The following PPP4C variants were observed in gnomAD, a reference collection of about 807,000 sequenced individuals.
PPP4C encodes protein phosphatase 4 catalytic subunit, also known as serine/threonine-protein phosphatase 4 catalytic subunit.
PPP4C carries 10 observed loss-of-function variants against 40.5 expected under a neutral mutation model. The observed-to-expected ratio is 0.25, with a 90% CI of 0.15 to 0.42. PPP4C has a LOEUF of 0.42. Among genes scored for constraint, PPP4C ranks in the 10% least tolerant of loss-of-function variants. The probability of loss-of-function intolerance (pLI) is 1.00; values close to 1 mark genes in which losing one functional copy is unlikely to be tolerated. For synonymous variants in PPP4C, 187 were observed against 163.6 expected, an observed-to-expected ratio of 1.14 and a Z score of -1.09; for missense variants, 191 against 416.4, an observed-to-expected ratio of 0.46 and a Z score of 4.71.
Position 30,083,214 on chromosome 16 carries a change from TC to T in PPP4C, c.304-179del. The T allele has an allele frequency of 1.4e-6, 1 of 705,904 alleles. No homozygotes were observed. Among genetic ancestry groups the T allele is most frequent in the Non-Finnish European group, 2.4e-6 (1 of 414,362 alleles). The allele number at this position is 705,904 out of a possible 1,614,324, so 43.7% of individuals were successfully genotyped here. A position where few individuals can be genotyped will look rare whatever the true frequency, so the allele number is the denominator to read the frequency against. ...TTGAGGGAATGGGTCAGCTTTACAT[TC>T]TCTGGAGGGGTCGTGTGGGCCTGGG... is the stretch of plus-strand genomic sequence containing the variant. On this transcript the variant is annotated intron_variant, in intron 5 of 8. Coordinates refer to ENST00000279387, the MANE Select transcript of PPP4C (RefSeq NM_002720.3). This position sits in a 1 kb window ranked among gnomAD's most constrained non-coding sequence, Gnocchi z 6.3.
Position 30,082,567 on chromosome 16 carries a change from G to A in PPP4C, c.201+33G>A, listed in dbSNP as rs536236711. On this transcript the variant is annotated intron_variant, in intron 4 of 8. Transcript: ENST00000279387. Reference sequence around the variant, plus strand: ...TGTGGCCAACACTGTGAAATGTAACGGGGGGATGACTGGAAGACCCCTGTA... The same window carrying A: ...TGTGGCCAACACTGTGAAATGTAACAGGGGGATGACTGGAAGACCCCTGTA... 182 of 1,602,348 alleles carry A rather than the reference G, an allele frequency of 1.1e-4. 2 individuals are homozygous for A. The highest frequency in any genetic ancestry group is 5.0e-4 in the Middle Eastern group (3 of 6,044).
chr16:30,084,164 G>GCA, intron 7 of PPP4C, among the ~76,000 whole-genome samples: 1 of 152,126 alleles, frequency 6.6e-6, no homozygotes, highest in Non-Finnish European at 1.5e-5. Flanking sequence ...GTTGTCACAG[G>GCA]CACACACGCA....
chr16:30,081,143 C>T, intron 2 of PPP4C, 116 bp from the exon 3 acceptor site: 6 of 1,459,300 alleles, frequency 4.1e-6, no homozygotes, highest in South Asian at 1.1e-5. Context: ...GTACGCTTCA[C>T]TCCTGCCCCC....
chr16:30,083,123 C>T lies in PPP4C; in HGVS notation c.304-271C>T, dbSNP rs2072542529. On this transcript the variant is annotated intron_variant, in intron 5 of 8. Coordinates refer to ENST00000279387, the MANE Select transcript of PPP4C (RefSeq NM_002720.3). The surrounding 1 kb of genome is among the most constrained non-coding windows in gnomAD (Gnocchi z 6.3). ...CAGTGTGGGGCCAGATGACAAAGGG[C>T]CTGGGTGCCTTGCTAGGGACCCGGT... The T allele has an allele frequency of 1.2e-5, 7 of 590,926 alleles. No homozygotes were observed. The highest frequency in any genetic ancestry group is 9.3e-5 in the Admixed American group (3 of 32,376). The allele number at this position is 590,926 out of a possible 1,614,324, so 36.6% of individuals were successfully genotyped here.
chr16:30,081,191 C>G (rs765767311), intron 2 of PPP4C, 68 bp from the exon 3 acceptor site: 23 of 1,608,662 alleles, frequency 1.4e-5, no homozygotes, highest in Admixed American at 1.0e-4. Flanking sequence ...TCCCCTCCCC[C>G]CAAAAAAGGT....
rs1314998743 is a variant in PPP4C at position 30,084,954 on chromosome 16, C to T, written c.816C>T (p.Ile272=). ...YCYRCGNVAA[I]LELDEHLQKD... Reference sequence around the variant, plus strand: ...CCAGCTGTGGGAATGTGGCAGCCATCTTGGAGCTGGACGAGCATCTCCAGA... The same window carrying T: ...CCAGCTGTGGGAATGTGGCAGCCATTTTGGAGCTGGACGAGCATCTCCAGA... The change falls in exon 9 of 9, where the codon ATC becomes ATT. Residue 272 remains isoleucine, a synonymous_variant. Coordinates refer to ENST00000279387, the MANE Select transcript of PPP4C (RefSeq NM_002720.3). The T allele has an allele frequency of 4.3e-6, 7 of 1,614,038 alleles. No homozygotes were observed. The highest frequency in any genetic ancestry group is 1.1e-5 in the South Asian group (1 of 91,092).
chr16:30,079,479 C>T (rs571621739), intron 2 of PPP4C, among the ~76,000 whole-genome samples: 58 of 152,280 alleles, frequency 3.8e-4, no homozygotes, highest in Non-Finnish European at 6.6e-4. Context: ...TGAGCCACCG[C>T]GCCCGGCCTA....
Position 30,083,477 on chromosome 16 carries a change from G to A in PPP4C, c.387G>A (p.Glu129=), listed in dbSNP as rs768882565. ...CGCAGGTCTATGGCTTCTACGATGA[G>A]TGCCTGCGCAAGTACGGCTCGGTGA... ...QITQVYGFYD[E]CLRKYGSVTV... is the part of the protein sequence containing the mutation. The change falls in exon 6 of 9, where the codon GAG becomes GAA. Residue 129 remains glutamate (E), a synonymous_variant. Transcript: ENST00000279387. This position sits in a 1 kb window ranked among gnomAD's most constrained non-coding sequence, Gnocchi z 6.3. The A allele has an allele frequency of 1.2e-6, 2 of 1,614,194 alleles. No individual in the cohort carries two copies. The highest frequency in any genetic ancestry group is 4.5e-5 in the East Asian group (2 of 44,874).
At position 30,083,944 on chromosome 16, in the gene PPP4C, T is replaced by C; in HGVS notation, c.604+163T>C. 3 of 1,100,468 alleles carry C rather than the reference T, an allele frequency of 2.7e-6. No individual in the cohort carries two copies. Among genetic ancestry groups the C allele is most frequent in the Non-Finnish European group, 3.9e-6 (3 of 777,414 alleles). 68.2% of individuals were successfully genotyped at this position (1,100,468 alleles called of 1,614,324 possible). A position where few individuals can be genotyped will look rare whatever the true frequency, so the allele number is the denominator to read the frequency against. On this transcript the variant is annotated intron_variant, in intron 7 of 8. Transcript: ENST00000279387. This position sits in a 1 kb window ranked among gnomAD's most constrained non-coding sequence, Gnocchi z 6.3. ...CATGGCAGGTGCTTTGAGCACACAG[T>C]GGCTTGGGGCATGGCCCAGAGGGCT...
At chr16:30,082,230 A>G (rs1171767681) in intron 3 of PPP4C, among the ~76,000 whole-genome samples, 1 of 152,048 alleles carries the variant, frequency 6.6e-6, no homozygotes, top group Non-Finnish European at 1.5e-5. Flanking sequence ...GGGAGTAGAG[A>G]GAGGAAGGGG....
chr16:30,085,254 C>T lies in PPP4C; in HGVS notation c.*192C>T, dbSNP rs2072600550. On this transcript the variant is annotated 3_prime_UTR_variant, in exon 9 of 9. Coordinates refer to ENST00000279387, the MANE Select transcript of PPP4C (RefSeq NM_002720.3). ...GCTCCATGTTCCTCCTCCTCTCTCC[C>T]CACTTGAACCATGAAGTTTCCAATA... is the stretch of plus-strand genomic sequence containing the variant. 2.2e-6 allele frequency: 1 copy of T among 461,450 alleles called. No individual in the cohort carries two copies. Among genetic ancestry groups the T allele is most frequent in the East Asian group, 3.3e-5 (1 of 30,132 alleles). 28.6% of individuals were successfully genotyped at this position (461,450 alleles called of 1,614,324 possible).
intron 2 of PPP4C, among the ~76,000 whole-genome samples, chr16:30,078,121 C>T (rs1444315355): frequency 6.6e-6 from 1 of 152,222 alleles, no homozygotes; most frequent in Non-Finnish European, 1.5e-5. Context: ...CCCTCACGGG[C>T]CCTGGATCAG....
Position 30,083,212 on chromosome 16 carries a change from A to G in PPP4C, c.304-182A>G. On this transcript the variant is annotated intron_variant, in intron 5 of 8. Coordinates refer to ENST00000279387, the MANE Select transcript of PPP4C (RefSeq NM_002720.3). The surrounding 1 kb of genome is among the most constrained non-coding windows in gnomAD (Gnocchi z 6.3). ...AGTTGAGGGAATGGGTCAGCTTTAC[A>G]TTCTCTGGAGGGGTCGTGTGGGCCT... 5 of 702,072 alleles carry G rather than the reference A, an allele frequency of 7.1e-6. No individual in the cohort carries two copies. Among genetic ancestry groups the G allele is most frequent in the Middle Eastern group, 4.1e-4 (1 of 2,432 alleles). The allele number at this position is 702,072 out of a possible 1,614,324, so 43.5% of individuals were successfully genotyped here.
At position 30,082,531 on chromosome 16, in the gene PPP4C, C is replaced by T; in HGVS notation, c.198C>T (p.Phe66=). The change falls in exon 4 of 9, where the codon TTC becomes TTT. Residue 66 remains phenylalanine, a synonymous_variant. Coordinates refer to ENST00000279387, the MANE Select transcript of PPP4C (RefSeq NM_002720.3). ...HGQFYDLKEL[F]RVGGDVPETN... is the part of the protein sequence containing the mutation. The stretch of plus-strand genomic sequence containing the variant: ...AATTCTATGACCTCAAAGAGCTGTT[C>T]AGAGTAAGAGTGTGGCCAACACTGT... 1 of 1,612,966 alleles carries T rather than the reference C, an allele frequency of 6.2e-7. No homozygotes were observed. The highest frequency in any genetic ancestry group is 8.5e-7 in the Non-Finnish European group (1 of 1,178,998).
chr16:30,077,331 G>C (rs145313779), intron 2 of PPP4C, among the ~76,000 whole-genome samples: 39 of 152,136 alleles, frequency 2.6e-4, no homozygotes, highest in African/African-American at 9.2e-4. Flanking sequence ...CAGTGTTTTG[G>C]TACAGCATAC....
Position 30,076,009 on chromosome 16 carries a change from G to T in PPP4C, c.-149G>T. Reference sequence around the variant, plus strand: ...CCGCGGCGGGGCCGGAAGTAGGAGCGGCGGCGGCGGCGGCGGCGGCGGTCG... The same window carrying T: ...CCGCGGCGGGGCCGGAAGTAGGAGCTGCGGCGGCGGCGGCGGCGGCGGTCG... On this transcript the variant is annotated 5_prime_UTR_variant, in exon 1 of 9. Coordinates refer to ENST00000279387, the MANE Select transcript of PPP4C (RefSeq NM_002720.3). The T allele has an allele frequency of 3.6e-6, 1 of 280,840 alleles. No homozygotes were observed. The highest frequency in any genetic ancestry group is 5.1e-5 in the Admixed American group (1 of 19,492). 17.4% of individuals were successfully genotyped at this position (280,840 alleles called of 1,614,324 possible).
chr16:30,082,719 A>C (rs745817641), intron 4 of PPP4C, 27 bp from the exon 5 acceptor site: 1 of 1,602,030 alleles, frequency 6.2e-7, no homozygotes, highest in Non-Finnish European at 8.5e-7. Context: ...TGTTTACGAC[A>C]GGGCAAAACT....
At chr16:30,077,837 G>T (rs1406541797) in intron 2 of PPP4C, among the ~76,000 whole-genome samples, 3 of 152,202 alleles carry the variant, frequency 2.0e-5, no homozygotes, top group African/African-American at 7.2e-5. Flanking sequence ...CACTGAGGAC[G>T]TGGCAGAGCT....
intron 2 of PPP4C, among the ~76,000 whole-genome samples, chr16:30,078,376 G>A (rs1476710376): frequency 6.6e-6 from 1 of 152,178 alleles, no homozygotes; most frequent in African/African-American, 2.4e-5. Flanking sequence ...TGTGCTCCGT[G>A]GTCACTGAGA....
Sources: allele counts gnomAD v4.1 joint callset (sites outside exome capture counted in the v4.1 genomes callset), GRCh38; gene constraint gnomAD v4.1.1; non-coding constraint Gnocchi (gnomAD v3.1); transcripts MANE v1.5; gene names NCBI Gene and HGNC (gene_info 2026-07-23, HGNC 2026-07-21).